The following TAF1A variants were observed in gnomAD, a reference collection of about 807,000 sequenced individuals.
The protein encoded by TAF1A is TATA box-binding protein-associated factor RNA polymerase I subunit A.
Under a neutral mutation model 61.6 loss-of-function variants are expected in TAF1A, and 42 were observed. The ratio of observed to expected loss-of-function variants is 0.68; its 90% CI spans 0.53 to 0.88. The LOEUF (loss-of-function observed/expected upper bound fraction) is 0.88. Among genes scored for constraint, TAF1A ranks in the 40% least tolerant of loss-of-function variants. The pLI is 0.00. For missense variants in TAF1A, 424 were observed against 518.7 expected (o/e 0.82, Z 1.77); for synonymous variants, 179 against 177.7 (o/e 1.01, Z -0.06).
In TAF1A at chr1:222,563,207, AT is replaced by A; in HGVS notation, c.1050del (p.Lys350AsnfsTer7). The A allele has an allele frequency of 6.2e-7, 1 of 1,612,492 alleles. No individual in the cohort carries two copies. Among genetic ancestry groups the A allele is most frequent in the South Asian group, 1.1e-5 (1 of 91,002 alleles). Reference sequence around the variant, plus strand: ...ATATTTTTCAGATATTTTGCCAAGTATTTCCAAGCAGTTATATTCTTAGTGC... The same window carrying A: ...ATATTTTTCAGATATTTTGCCAAGTATTCCAAGCAGTTATATTCTTAGTGC... ...AGCTKNITAW[K>X]YLAKYLKNIL... On this transcript the variant is annotated frameshift_variant, in exon 9 of 11. Coordinates refer to ENST00000352967, the MANE Select transcript of TAF1A (RefSeq NM_005681.4). LOFTEE classifies it high-confidence loss of function.
chr1:222,559,860 A>G (rs1659844295), intron 10 of TAF1A, among the ~76,000 whole-genome samples: 1 of 152,136 alleles, frequency 6.6e-6, no homozygotes, highest in Non-Finnish European at 1.5e-5. Flanking sequence ...CTGTAGTGTT[A>G]CTAAAATAAT....
At chr1:222,565,657 G>T (rs1407500480) in intron 7 of TAF1A, among the ~76,000 whole-genome samples, 2 of 151,936 alleles carry the variant, frequency 1.3e-5, no homozygotes, top group African/African-American at 4.8e-5. Context: ...TAAAGGTATT[G>T]TTTAGTCCAG....
At chr1:222,577,694 A>C in intron 4 of TAF1A, 51 bp from the exon 5 acceptor site, 1 of 1,492,994 alleles carries the variant, frequency 6.7e-7, no homozygotes, top group Non-Finnish European at 9.3e-7. Context: ...GATAACCATT[A>C]GTCAAAAAGC....
intron 5 of TAF1A, among the ~76,000 whole-genome samples, chr1:222,572,993 GCACAGTGGCTCACATCTGTAATTCCAA>G (rs773140562): frequency 1.1e-4 from 16 of 152,314 alleles, no homozygotes; most frequent in Non-Finnish European, 2.4e-4. Flanking sequence ...AGAAGGCCAG[GCACAGTGGCTCACATCTGTAATTCCAA>G]CACTTTGGGA....
chr1:222,556,769 T>C (rs1053126442), downstream of TAF1A, among the ~76,000 whole-genome samples: 1 of 152,230 alleles, frequency 6.6e-6, no homozygotes, highest in Non-Finnish European at 1.5e-5. Flanking sequence ...CTCACCTCCA[T>C]TTTCTTAGAG....
At chr1:222,565,482 A>C (rs1660079527) in intron 7 of TAF1A, among the ~76,000 whole-genome samples, 4 of 152,246 alleles carry the variant, frequency 2.6e-5, no homozygotes, top group Admixed American at 6.5e-5. Context: ...ATAAGTATTC[A>C]ACAGTTATTT....
chr1:222,587,983 G>T (rs538305197), intron 2 of TAF1A, among the ~76,000 whole-genome samples: 29 of 152,148 alleles, frequency 1.9e-4, no homozygotes, highest in African/African-American at 7.0e-4. Context: ...GGGAGACAGA[G>T]GTTGCAGTGA....
intron 7 of TAF1A, 165 bp downstream of exon 7, chr1:222,569,345 C>T: frequency 2.6e-6 from 4 of 1,535,126 alleles, no homozygotes; most frequent in African/African-American, 1.4e-5. Context: ...GTGGATGATA[C>T]ATACATGGAG....
intron 5 of TAF1A, among the ~76,000 whole-genome samples, chr1:222,574,357 T>C (rs947391504): frequency 3.3e-5 from 5 of 152,110 alleles, no homozygotes; most frequent in African/African-American, 1.2e-4. Context: ...ATAACAAATG[T>C]TGAGGAGAAT....
intron 5 of TAF1A, among the ~76,000 whole-genome samples, chr1:222,576,333 T>C (rs1209861054): frequency 6.6e-6 from 1 of 152,110 alleles, no homozygotes; most frequent in Non-Finnish European, 1.5e-5. Flanking sequence ...TTAGTGAAAC[T>C]ACATGCCCAG....
chr1:222,563,125 GA>G (rs752671616), intron 9 of TAF1A, 47 bp downstream of exon 9: 1 of 1,479,892 alleles, frequency 6.8e-7, no homozygotes, highest in South Asian at 1.2e-5. Flanking sequence ...AAAATATTGG[GA>G]AATATTATTT....
chr1:222,565,770 C>CA (rs1232179562), intron 7 of TAF1A, among the ~76,000 whole-genome samples: 1 of 152,158 alleles, frequency 6.6e-6, no homozygotes, highest in Non-Finnish European at 1.5e-5. Context: ...GCTGAGGTGG[C>CA]AGGATCACCT....
At chr1:222,589,300 T>C (rs1198403779) in intron 1 of TAF1A, among the ~76,000 whole-genome samples, 7 of 152,294 alleles carry the variant, frequency 4.6e-5, no homozygotes, top group African/African-American at 1.7e-4. Context: ...ATTTCCCCTC[T>C]TCAATCCTAC....
chr1:222,567,564 C>T (rs1349579028), intron 7 of TAF1A, among the ~76,000 whole-genome samples: 1 of 152,122 alleles, frequency 6.6e-6, no homozygotes, highest in Non-Finnish European at 1.5e-5. Flanking sequence ...CTAAAAACTA[C>T]AAAACAGTTC....
chr1:222,554,912 G>A (rs1276267953), downstream of TAF1A, among the ~76,000 whole-genome samples: 1 of 152,060 alleles, frequency 6.6e-6, no homozygotes, highest in Non-Finnish European at 1.5e-5. Context: ...ATCAGCTAGG[G>A]ACTAATAATC....
intron 10 of TAF1A, among the ~76,000 whole-genome samples, chr1:222,559,940 A>C (rs1659847581): frequency 6.6e-6 from 1 of 152,200 alleles, no homozygotes; most frequent in Non-Finnish European, 1.5e-5. Context: ...TTTTGCCTGT[A>C]CCTATATAGA....
At chr1:222,576,883 T>C (rs1429965949) in intron 5 of TAF1A, among the ~76,000 whole-genome samples, 3 of 152,228 alleles carry the variant, frequency 2.0e-5, no homozygotes, top group Non-Finnish European at 4.4e-5. Flanking sequence ...CAGGCTCCTC[T>C]GAGCTCTCTT....
chr1:222,587,814 G>A (rs1346645631), intron 2 of TAF1A, among the ~76,000 whole-genome samples: 1 of 152,096 alleles, frequency 6.6e-6, no homozygotes, highest in Non-Finnish European at 1.5e-5. Context: ...CACTTTGGGA[G>A]GCTGAGGTGG....
chr1:222,569,260 C>A, intron 7 of TAF1A: 1 of 1,380,742 alleles, frequency 7.2e-7, no homozygotes, highest in Non-Finnish European at 9.4e-7. Flanking sequence ...AATATCAGTG[C>A]AGAGTATTCC....
Sources: gnomAD v4.1 joint callset for allele counts (sites outside exome capture counted in the v4.1 genomes callset) on GRCh38, gnomAD v4.1.1 for gene constraint, MANE v1.5 for transcripts, NCBI Gene and HGNC (gene_info 2026-07-23, HGNC 2026-07-21) for gene names.